The following RORA variants were observed in gnomAD, a reference collection of about 807,000 sequenced individuals.
RORA encodes the protein RAR related orphan receptor A.
A neutral mutation model predicts 69.5 loss-of-function variants in RORA; 7 were observed. That is an observed-to-expected ratio of 0.10 (90% CI 0.06 to 0.19). The LOEUF (loss-of-function observed/expected upper bound fraction) is 0.19. Among genes scored for constraint, RORA ranks in the 10% least tolerant of loss-of-function variants. The probability of loss-of-function intolerance (pLI) is 1.00; values close to 1 mark genes in which losing one functional copy is unlikely to be tolerated. For missense variants in RORA, 457 were observed against 663.0 expected, an observed-to-expected ratio of 0.69 and a Z score of 3.41; for synonymous variants, 261 against 240.8, an observed-to-expected ratio of 1.08 and a Z score of -0.78.
At chr15:60,795,092 A>G (rs1333409069) in intron 1 of RORA, among the ~76,000 whole-genome samples, 1 of 152,174 alleles carries the variant, frequency 6.6e-6, no homozygotes, top group Non-Finnish European at 1.5e-5. Flanking sequence ...TGCTATGCAT[A>G]TAGGGTGATA....
chr15:61,069,894 G>C (rs1196526574), intron 1 of RORA, among the ~76,000 whole-genome samples: 1 of 152,144 alleles, frequency 6.6e-6, no homozygotes, highest in African/African-American at 2.4e-5. Flanking sequence ...GGTCATGTTA[G>C]AATAAACCCA....
Position 61,122,647 on chromosome 15 carries a change from A to AT in RORA, c.166+106405dup, listed in dbSNP as rs563480802. 1.8e-3 allele frequency among the ~76,000 whole-genome samples: 279 copies of AT among 151,726 alleles called. 6 individuals carry two copies. In the East Asian group the frequency reaches 0.051, roughly 28 times the overall value. The stretch of plus-strand genomic sequence containing the variant: ...AAAATTGAGGCTAAGAGAATCAGTA[A>AT]TTTTTTTTTCCCTAAGCTTACACAG... On this transcript the variant is annotated intron_variant, in intron 1 of 10. Transcript: ENST00000335670.
chr15:61,098,207 T>TC (rs202075818), intron 1 of RORA, among the ~76,000 whole-genome samples: 2 of 129,972 alleles, frequency 1.5e-5, no homozygotes, highest in African/African-American at 2.9e-5. Flanking sequence ...CTTCCTTCCT[T>TC]CTTCCCTCCC....
intron 2 of RORA, chr15:60,592,547 C>T: frequency 7.8e-7 from 1 of 1,276,218 alleles, no homozygotes. Context: ...CGAGAGCCAT[C>T]CCGAGCCATA....
At chr15:61,065,213 GCAAGT>G (rs2078240080) in intron 1 of RORA, among the ~76,000 whole-genome samples, 1 of 152,196 alleles carries the variant, frequency 6.6e-6, no homozygotes, top group Non-Finnish European at 1.5e-5. Context: ...ACCACAGGTA[GCAAGT>G]ATCAAATGTA....
intron 1 of RORA, among the ~76,000 whole-genome samples, chr15:61,228,215 C>G (rs889764824): frequency 3.3e-5 from 5 of 152,182 alleles, no homozygotes; most frequent in African/African-American, 1.2e-4. Flanking sequence ...TCGGTGCTTG[C>G]TTTTGTAGAC....
chr15:61,021,451 T>C (rs984898907), intron 1 of RORA, among the ~76,000 whole-genome samples: 3 of 152,214 alleles, frequency 2.0e-5, no homozygotes, highest in African/African-American at 7.2e-5. Flanking sequence ...GTGCTTCAAA[T>C]GCTTTATGAG....
intron 1 of RORA, among the ~76,000 whole-genome samples, chr15:61,200,303 T>C (rs12441702): frequency 0.079 from 12,020 of 152,212 alleles, 731 homozygotes; most frequent in East Asian, 0.23. Context: ...AAGCTCTCGC[T>C]CCTTTTTGGA....
In RORA at chr15:60,511,458, A is replaced by C; in HGVS notation, c.588T>G (p.Leu196=). 1.9e-6 allele frequency: 3 copies of C among 1,614,128 alleles called. No homozygotes were observed. Among genetic ancestry groups the C allele is most frequent in the Non-Finnish European group, 1.7e-6 (2 of 1,180,020 alleles). The change falls in exon 5 of 11, where the codon CTT becomes CTG. Residue 196 remains leucine, a synonymous_variant. Transcript: ENST00000335670. The surrounding 1 kb of genome is among the most constrained non-coding windows in gnomAD (Gnocchi z 6.4). ...YNISANGLTE[L]HDDLSNYIDG... ...CAATGTAGTTACTGAGGTCGTCGTG[A>C]AGTTCCGTCAGCCCGTTGGCCGAGA...
At chr15:60,809,268 AT>A (rs1338579688) in intron 1 of RORA, among the ~76,000 whole-genome samples, 2 of 152,254 alleles carry the variant, frequency 1.3e-5, no homozygotes, top group Non-Finnish European at 2.9e-5. Flanking sequence ...TCAAACTTGA[AT>A]TGGTAAATTG....
chr15:61,059,926 G>GAAGAAC (rs1566968608), intron 1 of RORA, among the ~76,000 whole-genome samples: 2 of 129,440 alleles, frequency 1.5e-5, no homozygotes, highest in African/African-American at 2.9e-5. Context: ...AGAAGAAGAA[G>GAAGAAC]AAGAAGAACA....
At chr15:60,612,496 C>T (rs2069115721) in intron 2 of RORA, among the ~76,000 whole-genome samples, 1 of 152,128 alleles carries the variant, frequency 6.6e-6, no homozygotes, top group South Asian at 2.1e-4. Context: ...GAACAATTCC[C>T]TGGTATGTTC....
intron 1 of RORA, among the ~76,000 whole-genome samples, chr15:61,176,839 C>A (rs977739329): frequency 6.6e-6 from 1 of 152,072 alleles, no homozygotes; most frequent in Non-Finnish European, 1.5e-5. Flanking sequence ...GTTAAAATTA[C>A]GGCATTTATA....
intron 1 of RORA, among the ~76,000 whole-genome samples, chr15:61,152,311 G>A (rs2140875053): frequency 6.6e-6 from 1 of 152,220 alleles, no homozygotes; most frequent in South Asian, 2.1e-4. Flanking sequence ...CTAGAAGGAA[G>A]TGGAATAAGC....
At chr15:61,049,818 C>A (rs750251681) in intron 1 of RORA, among the ~76,000 whole-genome samples, 3 of 152,130 alleles carry the variant, frequency 2.0e-5, no homozygotes, top group African/African-American at 7.2e-5. Context: ...CACCACCACA[C>A]CCGGCTAATT....
chr15:60,651,182 T>C (rs998824082), intron 2 of RORA, among the ~76,000 whole-genome samples: 6 of 152,192 alleles, frequency 3.9e-5, no homozygotes, highest in African/African-American at 1.2e-4. Context: ...CATCCTTTCA[T>C]GGAAACATAT....
intron 1 of RORA, among the ~76,000 whole-genome samples, chr15:60,927,835 T>A (rs1892261074): frequency 1.3e-5 from 2 of 151,998 alleles, no homozygotes; most frequent in African/African-American, 2.4e-5. Context: ...AATGCAAGCG[T>A]CAGATTTTGA....
chr15:60,769,454 A>C (rs2072041034), intron 1 of RORA, among the ~76,000 whole-genome samples: 1 of 152,198 alleles, frequency 6.6e-6, no homozygotes, highest in Admixed American at 6.5e-5. Flanking sequence ...GTGAGCTGAC[A>C]TATGCACCTG....
At chr15:61,204,233 T>C (rs952442237) in intron 1 of RORA, among the ~76,000 whole-genome samples, 1 of 152,198 alleles carries the variant, frequency 6.6e-6, no homozygotes, top group African/African-American at 2.4e-5. Context: ...AATTAGCAAG[T>C]GAGGACTGTG....
Sources: allele counts gnomAD v4.1 joint callset (sites outside exome capture counted in the v4.1 genomes callset), GRCh38; gene constraint gnomAD v4.1.1; non-coding constraint Gnocchi (gnomAD v3.1); transcripts MANE v1.5; gene names NCBI Gene and HGNC (gene_info 2026-07-23, HGNC 2026-07-21).